KIAA1671: variants seen among roughly 807,000 people sequenced by gnomAD.
KIAA1671 encodes the protein uncharacterized protein KIAA1671.
A neutral mutation model predicts 131.2 loss-of-function variants in KIAA1671; 52 were observed. That is an observed-to-expected ratio of 0.40 (90% CI 0.32 to 0.50). The LOEUF is 0.50. Ranked by LOEUF, KIAA1671 falls within the 20% of genes least tolerant of loss-of-function variation. KIAA1671 has a pLI of 0.73. For synonymous variants in KIAA1671, 1,003 were observed against 961.6 expected, an observed-to-expected ratio of 1.04 and a Z score of -0.80; for missense variants, 2,360 against 2,364.2, an observed-to-expected ratio of 1.00 and a Z score of 0.04.
rs575892202 is a variant in KIAA1671 at position 25,001,182 on chromosome 22, C to T, written c.-207-24451C>T. Among the ~76,000 whole-genome samples the T allele has an allele frequency of 4.3e-3, 446 of 104,738 alleles. 1 individual carries two copies. Among genetic ancestry groups the T allele is most frequent in the Admixed American group, 5.9e-3 (70 of 11,766 alleles). The allele number at this position is 104,738 out of a possible 152,430, so 68.7% of individuals were successfully genotyped here. The stretch of plus-strand genomic sequence containing the variant: ...GTATGTGTATGTATGTGTATATATA[C>T]GTGTGTATATATGTGTGTATGTGTA... On this transcript the variant is annotated intron_variant, in intron 1 of 12. Transcript: ENST00000358431.
rs137980768 is a variant in KIAA1671 at position 25,132,552 on chromosome 22, T to TG, written c.4531-38268_4531-38267insG. Among the ~76,000 whole-genome samples the TG allele has an allele frequency of 2.6e-4, 39 of 152,290 alleles. 1 individual carries two copies. In the East Asian group the frequency reaches 6.8e-3, roughly 26 times the overall value. On this transcript the variant is annotated intron_variant, in intron 6 of 12. Transcript: ENST00000358431. ...TGTGTTTCAGGAGTCTGTTGGGAAGTACGTGAGATTCATGTGAATGGTACC... is the reference window on the plus strand; with the variant it reads ...TGTGTTTCAGGAGTCTGTTGGGAAGTGACGTGAGATTCATGTGAATGGTACC...
At chr22:25,035,227 A>T (rs1004311921) in intron 4 of KIAA1671, among the ~76,000 whole-genome samples, 9 of 151,814 alleles carry the variant, frequency 5.9e-5, no homozygotes, top group African/African-American at 1.9e-4. Context: ...TTGTATTTTT[A>T]GTAGAGATGG....
rs1466556444 is a variant in KIAA1671, at chr22:25,029,307, T to A, written c.1308T>A (p.Ser436Arg). The change falls in exon 3 of 13, where the codon AGT becomes AGA. Residue 436 changes from serine to arginine, a missense_variant. By Grantham distance (110) the Ser-to-Arg change is moderately radical (BLOSUM62 -1). Around this residue, in one of 3 missense-constraint regions of KIAA1671, gnomAD observed 1,185 missense variants for 1,126.2 expected, o/e 1.05. Coordinates refer to ENST00000358431, the MANE Select transcript of KIAA1671 (RefSeq NM_001145206.2). ...AAGGEWASRRSVRKCISLFRE... is the reference protein window; with the variant it reads ...AAGGEWASRRRVRKCISLFRE... ...GGGGAGAGTGGGCCTCCAGGAGGAGTGTCAGGAAGTGCATCAGCCTGTTTC... is the reference window on the plus strand; with the variant it reads ...GGGGAGAGTGGGCCTCCAGGAGGAGAGTCAGGAAGTGCATCAGCCTGTTTC... The A allele has an allele frequency of 6.5e-7, 1 of 1,529,258 alleles. No homozygotes were observed. The highest frequency in any genetic ancestry group is 1.4e-5 in the African/African-American group (1 of 72,202). 94.7% of individuals were successfully genotyped at this position (1,529,258 alleles called of 1,614,324 possible).
At chr22:25,098,776 C>G (rs1183178829) in intron 6 of KIAA1671, among the ~76,000 whole-genome samples, 1 of 152,148 alleles carries the variant, frequency 6.6e-6, no homozygotes, top group Admixed American at 6.6e-5. Context: ...TGGAGTGACA[C>G]CCCTTTGTCA....
intron 1 of KIAA1671, among the ~76,000 whole-genome samples, chr22:24,956,994 C>G (rs950618536): frequency 1.3e-5 from 2 of 152,146 alleles, no homozygotes; most frequent in African/African-American, 2.4e-5. Context: ...CTCGACTTCC[C>G]TATCTGTAAA....
intron 6 of KIAA1671, chr22:25,070,363 G>GA: frequency 2.0e-6 from 1 of 493,334 alleles, no homozygotes; most frequent in East Asian, 3.4e-5. Context: ...CTGGGTGCTG[G>GA]AAATGGAGTA....
intron 4 of KIAA1671, among the ~76,000 whole-genome samples, chr22:25,035,324 G>A (rs958225638): frequency 7.6e-4 from 116 of 152,240 alleles, no homozygotes; most frequent in Middle Eastern, 3.4e-3. Context: ...TGGGATTATA[G>A]GTGTGAGCCA....
intron 6 of KIAA1671, among the ~76,000 whole-genome samples, chr22:25,096,984 A>C (rs766670442): frequency 2.6e-4 from 40 of 152,334 alleles, no homozygotes; most frequent in Admixed American, 4.6e-4. Context: ...TTTCCATTGC[A>C]TGGATGTGCC....
intron 6 of KIAA1671, chr22:25,103,038 C>G (rs1930775496): frequency 6.6e-6 from 1 of 152,406 alleles, no homozygotes; most frequent in Non-Finnish European, 1.5e-5. Context: ...CAATTGGCAA[C>G]TGGGCAAGCC....
At chr22:25,185,297 C>T (rs1347823398) in intron 11 of KIAA1671, 178 bp downstream of exon 11, 3 of 728,658 alleles carry the variant, frequency 4.1e-6, no homozygotes, top group Non-Finnish European at 6.3e-6. Context: ...AAAAGTACAA[C>T]AGAGGCCGGG....
At chr22:24,983,603 A>C in intron 1 of KIAA1671, among the ~76,000 whole-genome samples, 1 of 141,256 alleles carries the variant, frequency 7.1e-6, no homozygotes, top group African/African-American at 2.6e-5. Context: ...GGATGTGTGT[A>C]TGGTGGGGGG....
chr22:25,105,590 A>G (rs1404446012), intron 6 of KIAA1671, among the ~76,000 whole-genome samples: 2 of 152,162 alleles, frequency 1.3e-5, no homozygotes, highest in Non-Finnish European at 2.9e-5. Flanking sequence ...TCAGGAAGCG[A>G]AGCTTTTTAT....
intron 6 of KIAA1671, among the ~76,000 whole-genome samples, chr22:25,072,354 G>C (rs972394458): frequency 2.6e-5 from 4 of 152,178 alleles, no homozygotes; most frequent in African/African-American, 7.2e-5. Context: ...ACCATGAAGA[G>C]GTAGGATGAG....
intron 6 of KIAA1671, among the ~76,000 whole-genome samples, chr22:25,151,055 C>G (rs1302087283): frequency 6.6e-6 from 1 of 151,834 alleles, no homozygotes; most frequent in East Asian, 1.9e-4. Context: ...AGGATGGTCT[C>G]TATCTTCTGA....
rs1313389353 is a variant in KIAA1671, at chr22:25,049,377, A to G, written c.4530+13A>G. On this transcript the variant is annotated intron_variant, in intron 6 of 12. Transcript: ENST00000358431. Reference sequence around the variant, plus strand: ...TGGGCCCTTTGTGGTGAGTGATGCAACATGGCTGGAGAGGATTGCACAGGG... The same window carrying G: ...TGGGCCCTTTGTGGTGAGTGATGCAGCATGGCTGGAGAGGATTGCACAGGG... The G allele has an allele frequency of 2.6e-6, 4 of 1,546,998 alleles. No homozygotes were observed. Among genetic ancestry groups the G allele is most frequent in the Non-Finnish European group, 3.5e-6 (4 of 1,143,306 alleles).
chr22:25,061,555 T>C (rs1387468407), intron 6 of KIAA1671: 2 of 152,276 alleles, frequency 1.3e-5, no homozygotes, highest in Non-Finnish European at 2.9e-5. Context: ...TTTTCTCATA[T>C]CATCTGACCT....
At chr22:25,176,358 G>A (rs1601384139) in intron 8 of KIAA1671, 1 of 152,192 alleles carries the variant, frequency 6.6e-6, no homozygotes, top group East Asian at 1.9e-4. Context: ...AAGGCCTTGG[G>A]TGATGGAATT....
chr22:25,154,348 T>C (rs1345641551), intron 6 of KIAA1671, among the ~76,000 whole-genome samples: 1 of 152,172 alleles, frequency 6.6e-6, no homozygotes, highest in Non-Finnish European at 1.5e-5. Context: ...CTAACACCCA[T>C]ATGATGCGCA....
In KIAA1671 at chr22:25,119,189, C is replaced by G. The variant is rs1011491219; in HGVS notation, c.4531-51631C>G. Among the ~76,000 whole-genome samples the G allele has an allele frequency of 2.0e-5, 3 of 152,190 alleles. No individual in the cohort carries two copies. In the East Asian group the frequency reaches 5.8e-4, roughly 29 times the overall value. ...TTCCTGAAATCCACTGTCCTTCATT[C>G]TTGTGTCCACCCTGTGACACCACCT... On this transcript the variant is annotated intron_variant, in intron 6 of 12. Transcript: ENST00000358431.
Sources: allele counts gnomAD v4.1 joint callset (sites outside exome capture counted in the v4.1 genomes callset), GRCh38; gene constraint gnomAD v4.1.1; regional missense constraint gnomAD v4.1.1; transcripts MANE v1.5; gene names NCBI Gene and HGNC (gene_info 2026-07-23, HGNC 2026-07-21).